PPP1R36: variants seen among roughly 807,000 people sequenced by gnomAD.
PPP1R36 encodes the protein chromosome 14 open reading frame 50.
A neutral mutation model predicts 53.4 loss-of-function variants in PPP1R36; 47 were observed. The observed-to-expected ratio is 0.88, with a 90% CI of 0.70 to 1.12. The LOEUF (loss-of-function observed/expected upper bound fraction) is 1.12. Among genes scored for constraint, PPP1R36 ranks in the 50% most tolerant of loss-of-function variants. PPP1R36 has a pLI of 0.00. For missense variants in PPP1R36, 456 were observed against 513.9 expected (o/e 0.89, Z 1.09); for synonymous variants, 153 against 170.5 (o/e 0.90, Z 0.80).
Position 64,563,105 on chromosome 14 carries a change from A to T in PPP1R36, c.183-1646A>T, listed in dbSNP as rs538252645. Among the ~76,000 whole-genome samples the T allele has an allele frequency of 1.4e-4, 21 of 152,286 alleles. No individual in the cohort carries two copies. The South Asian group carries it at 4.4e-3, about 32-fold the overall frequency. On this transcript the variant is annotated intron_variant, in intron 3 of 11. Coordinates refer to ENST00000298705, the MANE Select transcript of PPP1R36 (RefSeq NM_172365.3). ...GGTCTCAAACTCCCGACCTCAGGTG[A>T]TCTGCCTACCTCGGCCTCCCAAAGT...
intron 8 of PPP1R36, among the ~76,000 whole-genome samples, chr14:64,576,069 A>C (rs929188390): frequency 1.6e-4 from 22 of 138,264 alleles, no homozygotes; most frequent in Non-Finnish European, 6.1e-5. Context: ...GTTTTATTTG[A>C]CTGAGTATCT....
intron 3 of PPP1R36, among the ~76,000 whole-genome samples, chr14:64,554,390 AT>A (rs1302266761): frequency 1.3e-5 from 2 of 152,058 alleles, no homozygotes; most frequent in Non-Finnish European, 2.9e-5. Flanking sequence ...ACCTCAGGTG[AT>A]CCACCCACCT....
chr14:64,554,278 A>G (rs965329835), intron 3 of PPP1R36, among the ~76,000 whole-genome samples: 18 of 149,268 alleles, frequency 1.2e-4, no homozygotes, highest in Non-Finnish European at 1.3e-4. Flanking sequence ...CAGCCTCCCG[A>G]GTAGCTGGGA....
chr14:64,550,996 A>G lies in PPP1R36; in HGVS notation c.134+11A>G, dbSNP rs1353962545. 6.4e-7 allele frequency: 1 copy of G among 1,561,166 alleles called. No individual in the cohort carries two copies. The highest frequency in any genetic ancestry group is 1.4e-5 in the African/African-American group (1 of 73,664). ...TCTTGAATTCAGAAGGTAAAATTTA[A>G]CAACACTTTATTAGAGTTTTTATAA... On this transcript the variant is annotated intron_variant, in intron 2 of 11. Coordinates refer to ENST00000298705, the MANE Select transcript of PPP1R36 (RefSeq NM_172365.3).
intron 11 of PPP1R36, 145 bp downstream of exon 11, chr14:64,588,440 C>T: frequency 3.2e-6 from 2 of 625,448 alleles, no homozygotes; most frequent in East Asian, 2.9e-5. Flanking sequence ...GCCCTGCTCC[C>T]CTCCTAGTTT....
chr14:64,576,860 C>G (rs1419862841), intron 8 of PPP1R36, among the ~76,000 whole-genome samples: 1 of 152,198 alleles, frequency 6.6e-6, no homozygotes, highest in Non-Finnish European at 1.5e-5. Flanking sequence ...AAGTTTGGTT[C>G]TGCTTTCCAG....
At chr14:64,556,940 C>T (rs1018811124) in intron 3 of PPP1R36, among the ~76,000 whole-genome samples, 1 of 151,924 alleles carries the variant, frequency 6.6e-6, no homozygotes, top group Non-Finnish European at 1.5e-5. Context: ...TCAGCCCCCA[C>T]TGCGCCCACC....
rs769932545 is a variant in PPP1R36, at chr14:64,565,349, C to G, written c.270-8C>G. 1.2e-6 allele frequency: 2 copies of G among 1,601,196 alleles called. No individual in the cohort carries two copies. Among genetic ancestry groups the G allele is most frequent in the East Asian group, 4.5e-5 (2 of 44,384 alleles). ...AACACTACTAGAAACTGTTATATTCCAAAACAGGTTGACAGATAAAAGACT... is the reference window on the plus strand; with the variant it reads ...AACACTACTAGAAACTGTTATATTCGAAAACAGGTTGACAGATAAAAGACT... On this transcript the variant is annotated splice_polypyrimidine_tract_variant and splice_region_variant and intron_variant, in intron 4 of 11. Transcript: ENST00000298705.
Position 64,554,904 on chromosome 14 carries a change from C to A in PPP1R36, c.182+2043C>A, listed in dbSNP as rs2080135465. On this transcript the variant is annotated intron_variant, in intron 3 of 11. Coordinates refer to ENST00000298705, the MANE Select transcript of PPP1R36 (RefSeq NM_172365.3). ...ATACTATTCGAGGTGCCCTGTAGGA[C>A]CCCCAGGTTAAGAATCCAGTAGGCA... Among the ~76,000 whole-genome samples the A allele has an allele frequency of 1.3e-5, 2 of 151,846 alleles. 1 individual carries two copies. The highest frequency in any genetic ancestry group is 4.2e-4 in the South Asian group (2 of 4,800).
chr14:64,588,115 C>CA lies in PPP1R36; in HGVS notation c.906dup (p.Arg303ThrfsTer5). 4 of 1,599,020 alleles carry CA rather than the reference C, an allele frequency of 2.5e-6. No individual in the cohort carries two copies. The highest frequency in any genetic ancestry group is 1.7e-6 in the Non-Finnish European group (2 of 1,170,568). ...TTCCTCCCCGACAGGAGAATGATGG[C>CA]AAAACGCCCAGCAATTAAAAAAGCT... On this transcript the variant is annotated frameshift_variant, in exon 11 of 12. Transcript: ENST00000298705. LOFTEE classifies it high-confidence loss of function.
At chr14:64,574,365 A>C in intron 7 of PPP1R36, 90 bp from the exon 8 acceptor site, 4 of 1,327,838 alleles carry the variant, frequency 3.0e-6, no homozygotes, top group Non-Finnish European at 4.1e-6. Context: ...AAAGAAAAGA[A>C]GAAAAGTTTA....
At chr14:64,550,464 T>C (rs1031917954) in intron 1 of PPP1R36, among the ~76,000 whole-genome samples, 11 of 152,194 alleles carry the variant, frequency 7.2e-5, no homozygotes, top group African/African-American at 2.7e-4. Flanking sequence ...GCAGGCTCAG[T>C]GTTGGAGCCC....
intron 11 of PPP1R36, chr14:64,588,547 A>T: frequency 1.3e-5 from 4 of 309,848 alleles, no homozygotes; most frequent in East Asian, 5.3e-5. Context: ...TGGAGGAGTG[A>T]GTAACTGATT....
In PPP1R36 at chr14:64,565,632, C is replaced by T. The variant is rs1159895089; in HGVS notation, c.374C>T (p.Thr125Ile). 1 of 1,613,482 alleles carries T rather than the reference C, an allele frequency of 6.2e-7. No individual in the cohort carries two copies. The highest frequency in any genetic ancestry group is 1.3e-5 in the African/African-American group (1 of 75,024). The change falls in exon 6 of 12, where the codon ACT (threonine) becomes ATT (isoleucine). Residue 125 changes from threonine (T) to isoleucine (I), a missense_variant. Coordinates refer to ENST00000298705, the MANE Select transcript of PPP1R36 (RefSeq NM_172365.3). Reference protein sequence around the residue: ...TITLDDVKFVTLLLLQDTEMQ... With the variant: ...TITLDDVKFVILLLLQDTEMQ... ...GTTCATTTTCTCTTTTCAGTTGTTA[C>T]TTTGCTTTTGCTACAAGATACTGAG...
intron 3 of PPP1R36, among the ~76,000 whole-genome samples, chr14:64,559,764 A>G (rs2080189668): frequency 6.6e-6 from 1 of 152,126 alleles, no homozygotes; most frequent in African/African-American, 2.4e-5. Flanking sequence ...CTTTATTTAG[A>G]TGGCACAGGG....
chr14:64,586,947 T>A, intron 9 of PPP1R36, 68 bp downstream of exon 9: 1 of 1,267,172 alleles, frequency 7.9e-7, no homozygotes, highest in South Asian at 1.2e-5. Context: ...TGGCCATTTG[T>A]CAGGCACTTA....
At position 64,587,390 on chromosome 14, in the gene PPP1R36, TC is replaced by T. The variant is rs1317288489; in HGVS notation, c.890+20del. On this transcript the variant is annotated intron_variant, in intron 10 of 11. Transcript: ENST00000298705. Reference sequence around the variant, plus strand: ...CAGTTCAGGTATGACCTTTTGACTTTCCTATGCTCAGGGGTATTTCTTTTCT... The same window carrying T: ...CAGTTCAGGTATGACCTTTTGACTTTCTATGCTCAGGGGTATTTCTTTTCT... The T allele has an allele frequency of 1.3e-6, 2 of 1,517,850 alleles. No homozygotes were observed. Among genetic ancestry groups the T allele is most frequent in the Non-Finnish European group, 1.8e-6 (2 of 1,122,138 alleles). The allele number at this position is 1,517,850 out of a possible 1,614,324, so 94.0% of individuals were successfully genotyped here. A position where few individuals can be genotyped will look rare whatever the true frequency, so the allele number is the denominator to read the frequency against.
intron 8 of PPP1R36, among the ~76,000 whole-genome samples, chr14:64,580,303 CA>C (rs2080378846): frequency 6.6e-6 from 1 of 152,178 alleles, no homozygotes; most frequent in Non-Finnish European, 1.5e-5. Flanking sequence ...CACCCTGCCT[CA>C]AAAAAATTTT....
intron 3 of PPP1R36, 51 bp from the exon 4 acceptor site, chr14:64,564,700 T>C: frequency 8.0e-7 from 1 of 1,255,490 alleles, no homozygotes; most frequent in Non-Finnish European, 1.1e-6. Flanking sequence ...TGATTTGACT[T>C]GTTTTCCCCT....
Sources: gnomAD v4.1 joint callset for allele counts (sites outside exome capture counted in the v4.1 genomes callset) on GRCh38, gnomAD v4.1.1 for gene constraint, MANE v1.5 for transcripts, NCBI Gene and HGNC (gene_info 2026-07-23, HGNC 2026-07-21) for gene names.